Variants in XKRX observed in about 807,000 individuals in gnomAD.
XKRX encodes XK-related protein 2.
In XKRX, 11 loss-of-function variants were observed where a neutral mutation model predicts 22.4. The observed-to-expected ratio is 0.49, with a 90% CI of 0.31 to 0.81. XKRX has a LOEUF of 0.81. XKRX is among the 40% of genes least tolerant of loss of function. The probability of loss-of-function intolerance (pLI) is 0.05; values close to 1 mark genes in which losing one functional copy is unlikely to be tolerated. For missense variants in XKRX, 320 were observed against 336.5 expected (o/e 0.95, Z 0.38); for synonymous variants, 114 against 132.2 (o/e 0.86, Z 0.94).
chrX:100,918,057 G>A (rs1405927011), intron 2 of XKRX, among the ~76,000 whole-genome samples: 2 of 111,581 alleles, frequency 1.8e-5, no homozygotes, highest in African/African-American at 6.5e-5. Flanking sequence ...TGATTACTAA[G>A]AAAAATCCAG....
At chrX:100,929,520 C>G, upstream of XKRX, 1 of 111,509 alleles carries the variant, frequency 9.0e-6, no homozygotes, top group African/African-American at 3.3e-5. Context: ...ACTCTACCCA[C>G]GCTGTTAGGC....
At chrX:100,957,164 G>A in the XKRX span, 49 of 1,100,959 alleles carry the variant, frequency 4.5e-5, no homozygotes, top group East Asian at 1.5e-3. Flanking sequence ...AGCAGCAGCT[G>A]GTTCACAAAA....
chrX:100,931,550 G>T, upstream of XKRX, among the ~76,000 whole-genome samples: 1 of 111,297 alleles, frequency 9.0e-6, no homozygotes. Flanking sequence ...GAAGCCTTCT[G>T]TCACCTCCCC....
chrX:100,933,376 G>A (rs368616070), upstream of XKRX, among the ~76,000 whole-genome samples: 3 of 107,190 alleles, frequency 2.8e-5, no homozygotes, highest in Admixed American at 1.0e-4. Flanking sequence ...TAGCAACTCC[G>A]GAGGCTGAGG....
chrX:100,917,665 G>GAAAAAGA (rs780056515), intron 2 of XKRX, among the ~76,000 whole-genome samples: 1 of 47,288 alleles, frequency 2.1e-5, no homozygotes, highest in South Asian at 1.4e-3. Context: ...AAGAAAGAAA[G>GAAAAAGA]AAAGAAAGAA....
At chrX:100,887,914 A>G in the XKRX span, 5 of 1,142,547 alleles carry the variant, frequency 4.4e-6, no homozygotes. Context: ...CTGCCACCAA[A>G]GCCACCACGA....
intron 2 of XKRX, among the ~76,000 whole-genome samples, chrX:100,917,714 G>GAAATAAATAAAT (rs1163362148): frequency 2.9e-5 from 3 of 105,023 alleles, no homozygotes; most frequent in East Asian, 2.9e-4. Context: ...AAGAAAGAAA[G>GAAATAAATAAAT]AAAGAAAGAA....
chrX:100,937,644 C>T, the XKRX span, among the ~76,000 whole-genome samples: 1 of 112,075 alleles, frequency 8.9e-6, no homozygotes, highest in African/African-American at 3.2e-5. Context: ...TAGCAGTTTA[C>T]ACCTCTGTGT....
At chrX:100,949,091 C>A in the XKRX span, among the ~76,000 whole-genome samples, 1 of 112,506 alleles carries the variant, frequency 8.9e-6, no homozygotes, top group South Asian at 3.6e-4. Flanking sequence ...CAAGGCCCGA[C>A]AGGGAGCAGA....
the XKRX span, among the ~76,000 whole-genome samples, chrX:100,903,409 A>G: frequency 1.2e-4 from 13 of 112,565 alleles, no homozygotes; most frequent in African/African-American, 3.9e-4. Flanking sequence ...AAATTAATAT[A>G]CAAAAATTAA....
chrX:100,917,655 A>AAG (rs1446256296), intron 2 of XKRX, among the ~76,000 whole-genome samples: 5 of 61,127 alleles, frequency 8.2e-5, no homozygotes, highest in African/African-American at 3.3e-4. Context: ...GAAAGAAAGA[A>AAG]AGAAAGAAAG....
chrX:100,924,296 T>C (rs1040673126), intron 1 of XKRX, among the ~76,000 whole-genome samples: 2 of 111,599 alleles, frequency 1.8e-5, no homozygotes, highest in African/African-American at 6.5e-5. Flanking sequence ...CAAACCTGAA[T>C]GAACTACATA....
chrX:100,930,463 TG>T (rs1408513993), upstream of XKRX, among the ~76,000 whole-genome samples: 3 of 109,908 alleles, frequency 2.7e-5, no homozygotes, highest in Non-Finnish European at 3.8e-5. Context: ...TGTTGTTTTT[TG>T]TTTTTTTAAG....
upstream of XKRX, among the ~76,000 whole-genome samples, chrX:100,933,489 A>AT (rs2085527277): frequency 9.1e-6 from 1 of 109,884 alleles, no homozygotes; most frequent in Non-Finnish European, 1.9e-5. Context: ...AAAAAAAAAA[A>AT]AAAAAAAAAA....
At chrX:100,948,225 T>C in the XKRX span, among the ~76,000 whole-genome samples, 1 of 111,324 alleles carries the variant, frequency 9.0e-6, no homozygotes, top group Non-Finnish European at 1.9e-5. Context: ...ATTATTTTCA[T>C]TGACAATAAA....
the XKRX span, among the ~76,000 whole-genome samples, chrX:100,896,150 C>T: frequency 2.3e-4 from 26 of 111,729 alleles, no homozygotes; most frequent in African/African-American, 7.5e-4. Flanking sequence ...CCTGGATTCC[C>T]TCACACATTG....
the XKRX span, chrX:100,888,286 T>G: frequency 1.4e-6 from 1 of 704,556 alleles, no homozygotes; most frequent in Non-Finnish European, 2.2e-6. Flanking sequence ...TTTTCACAGT[T>G]AAGTGGGCAC....
chrX:100,897,708 A>G, the XKRX span, among the ~76,000 whole-genome samples: 6 of 105,835 alleles, frequency 5.7e-5, no homozygotes, highest in Admixed American at 2.1e-4. Flanking sequence ...AAAAAAAAAA[A>G]AAAGACCTTT....
intron 2 of XKRX, among the ~76,000 whole-genome samples, chrX:100,920,833 C>T (rs1457006769): frequency 9.0e-6 from 1 of 111,525 alleles, no homozygotes; most frequent in Non-Finnish European, 1.9e-5. Flanking sequence ...AGTCTCAGCT[C>T]ACTGCAACCT....
Sources: gnomAD v4.1 joint callset for allele counts (sites outside exome capture counted in the v4.1 genomes callset) on GRCh38, gnomAD v4.1.1 for gene constraint, MANE v1.5 for transcripts, NCBI Gene and HGNC (gene_info 2026-07-23, HGNC 2026-07-21) for gene names.